The following IFT74 variants were observed in gnomAD, a reference collection of about 807,000 sequenced individuals.
The protein encoded by IFT74 is intraflagellar transport protein 74 homolog.
In IFT74, 92 loss-of-function variants were observed where a neutral mutation model predicts 96.7. The ratio of observed to expected loss-of-function variants is 0.95; its 90% CI spans 0.80 to 1.13. The LOEUF (loss-of-function observed/expected upper bound fraction) is 1.13. Among genes scored for constraint, IFT74 ranks in the 50% most tolerant of loss-of-function variants. The pLI, the probability that IFT74 is intolerant of heterozygous loss-of-function variation, is 0.00. For synonymous variants in IFT74, 223 were observed against 213.2 expected (o/e 1.05, Z -0.40); for missense variants, 811 against 698.2 (o/e 1.16, Z -1.82).
intron 16 of IFT74, among the ~76,000 whole-genome samples, chr9:27,052,097 C>T (rs1357545662): frequency 6.6e-6 from 1 of 152,130 alleles, no homozygotes; most frequent in East Asian, 1.9e-4. Context: ...TCTGTAACAG[C>T]TGTCAAGAAA....
At chr9:27,016,186 C>G (rs1829332222) in intron 10 of IFT74, among the ~76,000 whole-genome samples, 3 of 152,206 alleles carry the variant, frequency 2.0e-5, no homozygotes, top group Non-Finnish European at 4.4e-5. Flanking sequence ...TAGACAGAAT[C>G]TTGCTCTGCT....
chr9:27,030,547 C>CAA (rs60150925), intron 13 of IFT74, among the ~76,000 whole-genome samples: 15,910 of 114,626 alleles, frequency 0.14, 1,968 homozygotes, highest in East Asian at 0.65. Context: ...GACTCCGTCT[C>CAA]AAAAAAAAAA....
At chr9:26,979,713 T>C (rs1002501781) in intron 3 of IFT74, among the ~76,000 whole-genome samples, 1 of 135,646 alleles carries the variant, frequency 7.4e-6, no homozygotes, top group African/African-American at 3.0e-5. Context: ...CTTTTTTTTT[T>C]TTTTTTTTTT....
chr9:27,031,259 A>G (rs958860189), intron 13 of IFT74, among the ~76,000 whole-genome samples: 2 of 152,102 alleles, frequency 1.3e-5, no homozygotes, highest in African/African-American at 4.8e-5. Flanking sequence ...TGGGCGGATC[A>G]CCAGGTCAGG....
At chr9:27,047,446 T>C (rs1030257430) in intron 15 of IFT74, 75 bp downstream of exon 15, 6 of 810,018 alleles carry the variant, frequency 7.4e-6, no homozygotes, top group Non-Finnish European at 1.2e-5. Context: ...ACTCAAAAAA[T>C]AGAACGGCTC....
chr9:27,029,003 T>C, intron 12 of IFT74, 22 bp from the exon 13 acceptor site: 1 of 1,553,260 alleles, frequency 6.4e-7, no homozygotes, highest in African/African-American at 1.4e-5. Context: ...CTTCATAAAT[T>C]CATTAAAAAT....
chr9:26,952,879 C>CTT (rs1825978181), upstream of IFT74, among the ~76,000 whole-genome samples: 1 of 152,130 alleles, frequency 6.6e-6, no homozygotes, highest in African/African-American at 2.4e-5. Context: ...AAAAGACAGA[C>CTT]TAACAGGAGA....
rs748005015 is a variant in IFT74, at chr9:27,018,686, C to T, written c.973C>T (p.Gln325Ter). The T allele has an allele frequency of 1.3e-5, 20 of 1,531,148 alleles. No homozygotes were observed. The highest frequency in any genetic ancestry group is 1.8e-5 in the Non-Finnish European group (20 of 1,115,670). The allele number at this position is 1,531,148 out of a possible 1,614,324, so 94.8% of individuals were successfully genotyped here. A position where few individuals can be genotyped will look rare whatever the true frequency, so the allele number is the denominator to read the frequency against. Reference sequence around the variant, plus strand: ...TCAGGAAATAGCCAGCATGGAAAGACAGTAAGTATCTTTATACTAGGACAT... The same window carrying T: ...TCAGGAAATAGCCAGCATGGAAAGATAGTAAGTATCTTTATACTAGGACAT... ...DNQEIASMER[Q>*]LTDTKEKINQ... The change falls in exon 12 of 20, where the codon CAG becomes TAG. Residue 325 changes from glutamine to a stop codon, truncating the protein, a stop_gained and splice_region_variant. Transcript: ENST00000380062. LOFTEE classifies it high-confidence loss of function.
At chr9:27,011,030 T>C (rs1829040606) in intron 9 of IFT74, among the ~76,000 whole-genome samples, 1 of 152,172 alleles carries the variant, frequency 6.6e-6, no homozygotes, top group South Asian at 2.1e-4. Context: ...ATTTCTAAGA[T>C]ACTGTGAAGC....
At chr9:27,056,581 C>G (rs528989490) in intron 18 of IFT74, 122 bp downstream of exon 18, 4 of 759,992 alleles carry the variant, frequency 5.3e-6, no homozygotes, top group Non-Finnish European at 8.3e-6. Flanking sequence ...TTTAAGACAG[C>G]CAGATTCTGT....
At chr9:26,975,791 C>T (rs541891567) in intron 2 of IFT74, among the ~76,000 whole-genome samples, 62 of 152,304 alleles carry the variant, frequency 4.1e-4, no homozygotes, top group African/African-American at 1.5e-3. Flanking sequence ...TGTTAAGGCT[C>T]AGTCCCTCGT....
chr9:26,969,745 G>C (rs977692436), intron 2 of IFT74, among the ~76,000 whole-genome samples: 2 of 151,870 alleles, frequency 1.3e-5, no homozygotes, highest in Non-Finnish European at 2.9e-5. Flanking sequence ...TGTTCTATAA[G>C]AACTGTGAGT....
chr9:27,022,767 C>T (rs1278962597), intron 12 of IFT74, among the ~76,000 whole-genome samples: 1 of 151,734 alleles, frequency 6.6e-6, no homozygotes, highest in Admixed American at 6.6e-5. Flanking sequence ...CTCAGCCTCC[C>T]GAGTAGCTGG....
At chr9:26,984,746 A>G (rs1316036285) in intron 6 of IFT74, among the ~76,000 whole-genome samples, 187 bp downstream of exon 6, 1 of 152,224 alleles carries the variant, frequency 6.6e-6, no homozygotes, top group Non-Finnish European at 1.5e-5. Flanking sequence ...GCAAATCAAA[A>G]GAATAATGAG....
rs890822485 is a variant in IFT74 at position 27,017,025 on chromosome 9, AAG to A, written c.918_919del (p.Lys307IlefsTer3). On this transcript the variant is annotated frameshift_variant, in exon 11 of 20. Coordinates refer to ENST00000380062, the MANE Select transcript of IFT74 (RefSeq NM_025103.4). LOFTEE classifies it high-confidence loss of function. ...GACAAAAGCATAGGATCTCCAATGGAAGAGAGAGAGAAATTACTTAAGCAGGT... is the reference window on the plus strand; with the variant it reads ...GACAAAAGCATAGGATCTCCAATGGAAGAGAGAGAAATTACTTAAGCAGGT... 11 of 1,605,612 alleles carry A rather than the reference AAG, an allele frequency of 6.9e-6. No individual in the cohort carries two copies. The highest frequency in any genetic ancestry group is 3.4e-5 in the Admixed American group (2 of 58,020).
chr9:26,963,928 A>C (rs1826487265), intron 2 of IFT74, among the ~76,000 whole-genome samples: 2 of 151,942 alleles, frequency 1.3e-5, no homozygotes, highest in Non-Finnish European at 2.9e-5. Flanking sequence ...GTTCACTCTG[A>C]TGGTAGTTTC....
rs1820563905 is a variant in IFT74 at position 27,064,942 on chromosome 9, A to C, written c.*2206A>C. On this transcript the variant is annotated 3_prime_UTR_variant, in exon 20 of 20. Transcript: ENST00000380062. ...TACATTTAATACTTAGAAATGCAAT[A>C]AAATTCAAATAAAGTACTATATGCA... Among the ~76,000 whole-genome samples the C allele has an allele frequency of 6.6e-6, 1 of 152,142 alleles. No individual in the cohort carries two copies. Among genetic ancestry groups the C allele is most frequent in the South Asian group, 2.1e-4 (1 of 4,830 alleles).
intron 4 of IFT74, 33 bp from the exon 5 acceptor site, chr9:26,984,224 G>T: frequency 6.6e-7 from 1 of 1,506,492 alleles, no homozygotes; most frequent in Non-Finnish European, 9.0e-7. Context: ...TGGATTAAAA[G>T]TATTGCTGAC....
intron 8 of IFT74, among the ~76,000 whole-genome samples, chr9:27,007,072 C>T (rs1296379044): frequency 4.6e-5 from 7 of 151,882 alleles, no homozygotes; most frequent in African/African-American, 4.8e-5. Flanking sequence ...CTCCTGACCT[C>T]GTGATCTGCC....
Sources: gnomAD v4.1 joint callset for allele counts (sites outside exome capture counted in the v4.1 genomes callset) on GRCh38, gnomAD v4.1.1 for gene constraint, MANE v1.5 for transcripts, NCBI Gene and HGNC (gene_info 2026-07-23, HGNC 2026-07-21) for gene names.